FBLIM1: variants seen among roughly 807,000 people sequenced by gnomAD.
The protein encoded by FBLIM1 is filamin-binding LIM protein 1.
Under a neutral mutation model 37.4 loss-of-function variants are expected in FBLIM1, and 29 were observed. The observed-to-expected ratio is 0.77, with a 90% CI of 0.58 to 1.06. The LOEUF (loss-of-function observed/expected upper bound fraction) is 1.06. FBLIM1 is among the 50% of genes least tolerant of loss of function. The pLI is 0.00. For synonymous variants in FBLIM1, 193 were observed against 199.0 expected (o/e 0.97, Z 0.25); for missense variants, 449 against 505.6 (o/e 0.89, Z 1.07).
intron 5 of FBLIM1, among the ~76,000 whole-genome samples, chr1:15,769,295 G>A (rs1028747984): frequency 6.6e-6 from 1 of 151,970 alleles, no homozygotes; most frequent in Non-Finnish European, 1.5e-5. Context: ...TGGCCAACAT[G>A]GTGAAATGCT....
chr1:15,759,270 A>G (rs1440188725), intron 1 of FBLIM1, among the ~76,000 whole-genome samples: 1 of 152,218 alleles, frequency 6.6e-6, no homozygotes, highest in East Asian at 1.9e-4. Context: ...GCGTTTCCGG[A>G]GCCCGGGGGC....
Position 15,770,512 on chromosome 1 carries a change from C to T in FBLIM1, c.645C>T (p.Arg215=). The T allele has an allele frequency of 6.2e-7, 1 of 1,613,924 alleles. No homozygotes were observed. The highest frequency in any genetic ancestry group is 1.7e-5 in the Admixed American group (1 of 59,998). The change falls in exon 6 of 9, where the codon CGC becomes CGT. Residue 215 remains arginine, a synonymous_variant. Transcript: ENST00000375766. ...AGTGCTTCACGTGCCGCACCTGCCG[C>T]CGCCAGCTGGCTGGGCAGAGCTTCT... ...HAQCFTCRTC[R]RQLAGQSFYQ... is the part of the protein sequence containing the mutation.
chr1:15,764,256 T>C (rs902817245), intron 1 of FBLIM1, among the ~76,000 whole-genome samples: 3 of 152,144 alleles, frequency 2.0e-5, no homozygotes, highest in African/African-American at 7.2e-5. Context: ...TCTCTCTGAG[T>C]CTCGATTTCT....
intron 1 of FBLIM1, among the ~76,000 whole-genome samples, chr1:15,762,260 G>GT (rs57122494): frequency 0.015 from 1,626 of 108,638 alleles, 20 homozygotes; most frequent in East Asian, 0.023. Context: ...TGGCTAATTT[G>GT]TTTTTTTTTT....
intron 8 of FBLIM1, among the ~76,000 whole-genome samples, chr1:15,781,973 C>T (rs2069656112): frequency 6.6e-6 from 1 of 152,034 alleles, no homozygotes; most frequent in South Asian, 2.1e-4. Context: ...CCACCTCAGC[C>T]TCCCAAAGAG....
At chr1:15,776,042 A>G (rs1466292699) in intron 7 of FBLIM1, among the ~76,000 whole-genome samples, 1 of 152,148 alleles carries the variant, frequency 6.6e-6, no homozygotes, top group Non-Finnish European at 1.5e-5. Flanking sequence ...TCTGTTTTCT[A>G]AGGCCTGAAG....
chr1:15,761,842 C>G (rs888680389), intron 1 of FBLIM1, among the ~76,000 whole-genome samples: 5 of 152,068 alleles, frequency 3.3e-5, no homozygotes, highest in African/African-American at 9.7e-5. Flanking sequence ...GGCCAGTGCA[C>G]TTTGAGATAA....
chr1:15,762,033 T>A (rs1359692624), intron 1 of FBLIM1, among the ~76,000 whole-genome samples: 1 of 151,846 alleles, frequency 6.6e-6, no homozygotes, highest in Non-Finnish European at 1.5e-5. Flanking sequence ...TGGGAAATAA[T>A]GTCCTTTTCC....
intron 8 of FBLIM1, among the ~76,000 whole-genome samples, chr1:15,784,108 G>A (rs956239215): frequency 1.3e-5 from 2 of 152,218 alleles, no homozygotes; most frequent in Non-Finnish European, 2.9e-5. Flanking sequence ...TTGAACCCGG[G>A]AAGCAGAGGT....
Position 15,765,001 on chromosome 1 carries a change from G to A in FBLIM1, c.18G>A (p.Glu6=). 4 of 1,613,564 alleles carry A rather than the reference G, an allele frequency of 2.5e-6. No individual in the cohort carries two copies. The highest frequency in any genetic ancestry group is 3.4e-6 in the Non-Finnish European group (4 of 1,179,824). MASKP[E]KRVASSVFIT... is the part of the protein sequence containing the mutation. Reference sequence around the variant, plus strand: ...CTGAAGCCATGGCCTCAAAGCCTGAGAAGAGGGTGGCATCGTCTGTCTTTA... The same window carrying A: ...CTGAAGCCATGGCCTCAAAGCCTGAAAAGAGGGTGGCATCGTCTGTCTTTA... Residue 6 remains glutamate, a synonymous_variant, in exon 3 of 9, where the codon GAG becomes GAA. Coordinates refer to ENST00000375766, the MANE Select transcript of FBLIM1 (RefSeq NM_017556.4). The surrounding 1 kb of genome is among the most constrained non-coding windows in gnomAD (Gnocchi z 5.9).
At chr1:15,767,314 G>C (rs945039150) in intron 3 of FBLIM1, 62 bp from the exon 4 acceptor site, 7 of 1,472,064 alleles carry the variant, frequency 4.8e-6, no homozygotes, top group Admixed American at 2.5e-5. Context: ...ATGTAGGTAA[G>C]TAAAACCCTC....
At chr1:15,770,656 C>T (rs544493384) in intron 6 of FBLIM1, 78 bp downstream of exon 6, 112 of 1,512,428 alleles carry the variant, frequency 7.4e-5, no homozygotes, top group South Asian at 6.7e-4. Flanking sequence ...TCATTCCCCA[C>T]ACAGTCCTGG....
In FBLIM1 at chr1:15,768,514, C is replaced by A. The variant is rs749145393; in HGVS notation, c.439-14C>A. 16 of 1,540,660 alleles carry A rather than the reference C, an allele frequency of 1.0e-5. 1 individual carries two copies. Among genetic ancestry groups the A allele is most frequent in the Non-Finnish European group, 1.2e-5 (14 of 1,148,320 alleles). ...GGGGTCCCACTGGATGACTCCCCGT[C>A]TGCATCCCCACAGGCCCCAGCGGAG... On this transcript the variant is annotated splice_polypyrimidine_tract_variant and intron_variant, in intron 4 of 8. Coordinates refer to ENST00000375766, the MANE Select transcript of FBLIM1 (RefSeq NM_017556.4).
chr1:15,759,037 C>G (rs1421052384), intron 1 of FBLIM1, among the ~76,000 whole-genome samples, 189 bp downstream of exon 1: 1 of 152,082 alleles, frequency 6.6e-6, no homozygotes, highest in Non-Finnish European at 1.5e-5. Context: ...GTCTCTTGGT[C>G]TCTCTCCCCG....
chr1:15,764,684 T>G lies in FBLIM1; in HGVS notation c.-22T>G. ...GTGTGAGACAAGGAAGAGTGATCAT[T>G]GGTGAGGGCTGCCCTTTGCTCCCCT... On this transcript the variant is annotated splice_region_variant and 5_prime_UTR_variant, in exon 2 of 9. It adds an upstream start codon to the 5' untranslated region. Coordinates refer to ENST00000375766, the MANE Select transcript of FBLIM1 (RefSeq NM_017556.4). 2.4e-6 allele frequency: 1 copy of G among 413,684 alleles called. No individual in the cohort carries two copies. Among genetic ancestry groups the G allele is most frequent in the Non-Finnish European group, 4.3e-6 (1 of 231,950 alleles). 25.6% of individuals were successfully genotyped at this position (413,684 alleles called of 1,614,324 possible). A position where few individuals can be genotyped will look rare whatever the true frequency, so the allele number is the denominator to read the frequency against.
At position 15,786,121 on chromosome 1, in the gene FBLIM1, G is replaced by A. The variant is rs555935764; in HGVS notation, c.*1460G>A. On this transcript the variant is annotated 3_prime_UTR_variant, in exon 9 of 9. Coordinates refer to ENST00000375766, the MANE Select transcript of FBLIM1 (RefSeq NM_017556.4). The stretch of plus-strand genomic sequence containing the variant: ...ACTTGGGCCCTGCAGCCCAGCCTGT[G>A]TTGTAACCTCTGCGTCCTCAAGACC... 4 of 152,410 alleles carry A rather than the reference G, an allele frequency of 2.6e-5. No individual in the cohort carries two copies. In the South Asian group the frequency reaches 8.3e-4, roughly 32 times the overall value. The allele number at this position is 152,410 out of a possible 1,614,324, so 9.4% of individuals were successfully genotyped here.
intron 8 of FBLIM1, among the ~76,000 whole-genome samples, chr1:15,780,146 C>A (rs1441941115): frequency 6.6e-6 from 1 of 152,116 alleles, no homozygotes; most frequent in Admixed American, 6.6e-5. Flanking sequence ...TCACCTTGGC[C>A]TCCCAAAGTG....
At chr1:15,780,452 G>C (rs1292923956) in intron 8 of FBLIM1, among the ~76,000 whole-genome samples, 1 of 152,134 alleles carries the variant, frequency 6.6e-6, no homozygotes, top group Admixed American at 6.6e-5. Context: ...TGCCCGCCTT[G>C]GCCTCCCAAA....
At chr1:15,780,971 G>A (rs1293483252) in intron 8 of FBLIM1, among the ~76,000 whole-genome samples, 1 of 152,118 alleles carries the variant, frequency 6.6e-6, no homozygotes, top group Non-Finnish European at 1.5e-5. Flanking sequence ...GCACCTTCCT[G>A]AGCCTGGCCA....
Sources: allele counts gnomAD v4.1 joint callset (sites outside exome capture counted in the v4.1 genomes callset), GRCh38; gene constraint gnomAD v4.1.1; non-coding constraint Gnocchi (gnomAD v3.1); transcripts MANE v1.5; gene names NCBI Gene and HGNC (gene_info 2026-07-23, HGNC 2026-07-21).